FGF8: variants seen among roughly 807,000 people sequenced by gnomAD.
The protein encoded by FGF8 is fibroblast growth factor 8.
In FGF8, 12 loss-of-function variants were observed where a neutral mutation model predicts 29.7. The observed-to-expected ratio is 0.40, with a 90% CI of 0.26 to 0.65. FGF8 has a LOEUF of 0.65. Among genes scored for constraint, FGF8 ranks in the 30% least tolerant of loss-of-function variants. FGF8 has a pLI of 0.37. For missense variants in FGF8, 271 were observed against 345.1 expected, an observed-to-expected ratio of 0.79 and a Z score of 1.70; for synonymous variants, 157 against 144.4, an observed-to-expected ratio of 1.09 and a Z score of -0.63.
upstream of FGF8, among the ~76,000 whole-genome samples, chr10:101,778,850 T>A (rs1183487207): frequency 6.6e-6 from 1 of 152,146 alleles, no homozygotes; most frequent in African/African-American, 2.4e-5. Flanking sequence ...CCCTCCTTTA[T>A]CTTATCAAAG....
intron 4 of FGF8, 117 bp downstream of exon 4, chr10:101,774,615 T>C (rs978062640): frequency 1.2e-6 from 1 of 869,432 alleles, no homozygotes; most frequent in Non-Finnish European, 1.8e-6. Context: ...TCAAGACACC[T>C]TTCTGCCTTA....
At chr10:101,773,602 T>A (rs1250071851) in intron 4 of FGF8, among the ~76,000 whole-genome samples, 1 of 152,192 alleles carries the variant, frequency 6.6e-6, no homozygotes, top group African/African-American at 2.4e-5. Context: ...GTGACAGATT[T>A]ATCCCAGGAA....
At chr10:101,779,751 A>T (rs2065128457), upstream of FGF8, among the ~76,000 whole-genome samples, 1 of 152,188 alleles carries the variant, frequency 6.6e-6, no homozygotes, top group Admixed American at 6.5e-5. This position sits in a 1 kb window ranked among gnomAD's most constrained non-coding sequence, Gnocchi z 5.7. Flanking sequence ...GAGAGGACTC[A>T]GCCAGTCTCC....
In FGF8 at chr10:101,770,239, GCAGCGCA is replaced by G; in HGVS notation, c.*83_*89del. 7.7e-7 allele frequency: 1 copy of G among 1,303,482 alleles called. No individual in the cohort carries two copies. The highest frequency in any genetic ancestry group is 1.0e-6 in the Non-Finnish European group (1 of 955,364). The allele number at this position is 1,303,482 out of a possible 1,614,324, so 80.7% of individuals were successfully genotyped here. ...CCCCAGCACCTCCCCAGCCTGCAGA[GCAGCGCA>G]CAGCTCATCTTGCTTGAGTTTTGGG... is the stretch of plus-strand genomic sequence containing the variant. On this transcript the variant is annotated 3_prime_UTR_variant, in exon 6 of 6. Coordinates refer to ENST00000320185, the MANE Select transcript of FGF8 (RefSeq NM_033163.5).
chr10:101,775,153 C>T lies in FGF8; in HGVS notation c.133G>A (p.Glu45Lys). 1 of 1,548,202 alleles carries T rather than the reference C, an allele frequency of 6.5e-7. No individual in the cohort carries two copies. The highest frequency in any genetic ancestry group is 2.4e-5 in the East Asian group (1 of 40,926). The stretch of plus-strand genomic sequence containing the variant: ...ACCTGTTGGGAGACACCCTGGGGCT[C>T]CCGGCCAGCCCGGAACAGGGAAGCG... ...ELASLFRAGREPQGVSQQVTV... is the reference protein window; with the variant it reads ...ELASLFRAGRKPQGVSQQVTV... The change falls in exon 3 of 6, where the codon GAG becomes AAG. Residue 45 changes from glutamate to lysine, a missense_variant. Glu to Lys is a moderately conservative substitution (Grantham distance 56). Around this residue, in one of 3 missense-constraint regions of FGF8, gnomAD observed 168 missense variants for 207.0 expected, o/e 0.81. Transcript: ENST00000320185. This position sits in a 1 kb window ranked among gnomAD's most constrained non-coding sequence, Gnocchi z 4.6.
At position 101,770,457 on chromosome 10, in the gene FGF8, A is replaced by G. The variant is rs755130209; in HGVS notation, c.607T>C (p.Phe203Leu). ...TGGCCCCGGGGCAGCCGCTTCATGAAGTGGACCTCACGCTGGTGCTGCCGC... is the reference window on the plus strand; with the variant it reads ...TGGCCCCGGGGCAGCCGCTTCATGAGGTGGACCTCACGCTGGTGCTGCCGC... ...KTRQHQREVH[F>L]MKRLPRGHHT... Residue 203 changes from phenylalanine (F) to leucine (L), a missense_variant, in exon 6 of 6, where the codon TTC becomes CTC. By Grantham distance (22) the Phe-to-Leu change is conservative. Around this residue, in one of 3 missense-constraint regions of FGF8, gnomAD observed 41 missense variants for 80.0 expected, o/e 0.51. Transcript: ENST00000320185. 1.2e-6 allele frequency: 2 copies of G among 1,612,242 alleles called. No homozygotes were observed. The highest frequency in any genetic ancestry group is 1.1e-5 in the South Asian group (1 of 90,850).
rs778809649 is a variant in FGF8 at position 101,775,012 on chromosome 10, C to T, written c.157-100G>A. The T allele has an allele frequency of 1.3e-6, 2 of 1,522,832 alleles. No homozygotes were observed. Among genetic ancestry groups the T allele is most frequent in the African/African-American group, 1.4e-5 (1 of 73,472 alleles). 94.3% of individuals were successfully genotyped at this position (1,522,832 alleles called of 1,614,324 possible). On this transcript the variant is annotated intron_variant, in intron 3 of 5. Coordinates refer to ENST00000320185, the MANE Select transcript of FGF8 (RefSeq NM_033163.5). This position sits in a 1 kb window ranked among gnomAD's most constrained non-coding sequence, Gnocchi z 4.6. ...CCTGCGTCCCCCTCACTGCCCCAAG[C>T]CGCCAGCAGGTGCTGGGGGTTCCCC...
chr10:101,779,031 T>A (rs2065119909), upstream of FGF8, among the ~76,000 whole-genome samples: 1 of 151,580 alleles, frequency 6.6e-6, no homozygotes. This position sits in a 1 kb window ranked among gnomAD's most constrained non-coding sequence, Gnocchi z 5.7. Context: ...ACAAACTCCC[T>A]CGCCTGCAAA....
intron 4 of FGF8, among the ~76,000 whole-genome samples, 159 bp downstream of exon 4, chr10:101,774,573 C>G (rs916513199): frequency 6.6e-6 from 1 of 152,200 alleles, no homozygotes; most frequent in Non-Finnish European, 1.5e-5. Flanking sequence ...CCCCGAGGCC[C>G]CTTCCCTAGC....
chr10:101,776,453 C>T (rs1483336803), upstream of FGF8, among the ~76,000 whole-genome samples: 3 of 149,738 alleles, frequency 2.0e-5, no homozygotes, highest in Admixed American at 6.6e-5. Flanking sequence ...CCCGGACGCG[C>T]GGGGATGGGG....
chr10:101,775,694 C>T lies in FGF8; in HGVS notation c.69+46G>A. ...CCCGACCGGCGCTGCCCACCCGGGT[C>T]TCACACCGGCGCGCCCGGCCCCCGC... On this transcript the variant is annotated intron_variant, in intron 2 of 5. Transcript: ENST00000320185. The surrounding 1 kb of genome is among the most constrained non-coding windows in gnomAD (Gnocchi z 4.6). The T allele has an allele frequency of 6.5e-7, 1 of 1,538,060 alleles. No homozygotes were observed. Among genetic ancestry groups the T allele is most frequent in the Non-Finnish European group, 8.7e-7 (1 of 1,143,594 alleles).
At position 101,775,749 on chromosome 10, in the gene FGF8, G is replaced by A; in HGVS notation, c.60C>T (p.Leu20=). 6.5e-7 allele frequency: 1 copy of A among 1,545,900 alleles called. No individual in the cohort carries two copies. The highest frequency in any genetic ancestry group is 8.7e-7 in the Non-Finnish European group (1 of 1,146,082). ...CLLLHLLVLC[L]QAQEGPGRGP... is the part of the protein sequence containing the mutation. ...GCGCACCCCTCCTCACCTGGGCTTG[G>A]AGGCAGAGGACCAGCAAGTGCAACA... is the stretch of plus-strand genomic sequence containing the variant. Residue 20 remains leucine (L), a synonymous_variant, in exon 2 of 6, where the codon CTC becomes CTT. Coordinates refer to ENST00000320185, the MANE Select transcript of FGF8 (RefSeq NM_033163.5). The surrounding 1 kb of genome is among the most constrained non-coding windows in gnomAD (Gnocchi z 4.6).
rs2065073682 is a variant in FGF8 at position 101,775,230 on chromosome 10, G to A, written c.70-14C>T. 6.5e-7 allele frequency: 1 copy of A among 1,531,962 alleles called. No homozygotes were observed. Among genetic ancestry groups the A allele is most frequent in the Non-Finnish European group, 8.8e-7 (1 of 1,132,594 alleles). 94.9% of individuals were successfully genotyped at this position (1,531,962 alleles called of 1,614,324 possible). A position where few individuals can be genotyped will look rare whatever the true frequency, so the allele number is the denominator to read the frequency against. Reference sequence around the variant, plus strand: ...GCCCGGGCCTTCCTAGAGGAGCAGGGCGCTTTTAAGTAGGGAGGCAGCCCT... The same window carrying A: ...GCCCGGGCCTTCCTAGAGGAGCAGGACGCTTTTAAGTAGGGAGGCAGCCCT... On this transcript the variant is annotated splice_polypyrimidine_tract_variant and intron_variant, in intron 2 of 5. Transcript: ENST00000320185. The surrounding 1 kb of genome is among the most constrained non-coding windows in gnomAD (Gnocchi z 4.6).
chr10:101,775,108 C>T lies in FGF8; in HGVS notation c.156+22G>A. 1 of 1,544,362 alleles carries T rather than the reference C, an allele frequency of 6.5e-7. No homozygotes were observed. The highest frequency in any genetic ancestry group is 1.2e-5 in the South Asian group (1 of 83,940). ...CAGACCCAGCCCAGGATGAACGAGC[C>T]CCAGGGAGAAGCTGGACCCACCTGT... is the stretch of plus-strand genomic sequence containing the variant. On this transcript the variant is annotated intron_variant, in intron 3 of 5. Coordinates refer to ENST00000320185, the MANE Select transcript of FGF8 (RefSeq NM_033163.5). This position sits in a 1 kb window ranked among gnomAD's most constrained non-coding sequence, Gnocchi z 4.6.
upstream of FGF8, among the ~76,000 whole-genome samples, chr10:101,779,513 G>C (rs1326753189): frequency 6.6e-6 from 1 of 152,146 alleles, no homozygotes; most frequent in African/African-American, 2.4e-5. The surrounding 1 kb of genome is among the most constrained non-coding windows in gnomAD (Gnocchi z 5.7). Flanking sequence ...TGTCCGCGGG[G>C]CGCCCCAACC....
chr10:101,775,109 C>T lies in FGF8; in HGVS notation c.156+21G>A, dbSNP rs1418108559. On this transcript the variant is annotated intron_variant, in intron 3 of 5. Transcript: ENST00000320185. This position sits in a 1 kb window ranked among gnomAD's most constrained non-coding sequence, Gnocchi z 4.6. The stretch of plus-strand genomic sequence containing the variant: ...AGACCCAGCCCAGGATGAACGAGCC[C>T]CAGGGAGAAGCTGGACCCACCTGTT... The T allele has an allele frequency of 6.5e-7, 1 of 1,545,850 alleles. No individual in the cohort carries two copies. The highest frequency in any genetic ancestry group is 8.7e-7 in the Non-Finnish European group (1 of 1,144,560).
In FGF8 at chr10:101,770,692, A is replaced by G. The variant is rs2065011761; in HGVS notation, c.445-73T>C. ...AGGCAGAGGGCGAGCGGCCCCAGAC[A>G]GCAGGTGGGCACCCCAGCAGATGGC... is the stretch of plus-strand genomic sequence containing the variant. On this transcript the variant is annotated intron_variant, in intron 5 of 5. Transcript: ENST00000320185. 4 of 1,544,118 alleles carry G rather than the reference A, an allele frequency of 2.6e-6. No homozygotes were observed. The Admixed American group carries it at 6.8e-5, about 26-fold the overall frequency.
In FGF8 at chr10:101,770,173, A is replaced by C. The variant is rs1461586108; in HGVS notation, c.*156T>G. 2.9e-5 allele frequency: 18 copies of C among 616,812 alleles called. No homozygotes were observed. In the Admixed American group the frequency reaches 6.3e-4, roughly 22 times the overall value. The allele number at this position is 616,812 out of a possible 1,614,324, so 38.2% of individuals were successfully genotyped here. ...AAAAAAAAAAAAAAAAACAGCAAAAACCCAACAGCAAACAATATCAACAAC... is the reference window on the plus strand; with the variant it reads ...AAAAAAAAAAAAAAAAACAGCAAAACCCCAACAGCAAACAATATCAACAAC... On this transcript the variant is annotated 3_prime_UTR_variant, in exon 6 of 6. Transcript: ENST00000320185.
upstream of FGF8, among the ~76,000 whole-genome samples, chr10:101,778,523 G>A (rs937982357): frequency 3.9e-5 from 6 of 152,240 alleles, no homozygotes; most frequent in African/African-American, 1.2e-4. Context: ...GAAGATGGGC[G>A]TCCTGGGATC....
Sources: allele counts gnomAD v4.1 joint callset (sites outside exome capture counted in the v4.1 genomes callset), GRCh38; gene constraint gnomAD v4.1.1; regional missense constraint gnomAD v4.1.1; non-coding constraint Gnocchi (gnomAD v3.1); transcripts MANE v1.5; gene names NCBI Gene and HGNC (gene_info 2026-07-23, HGNC 2026-07-21).